Variants in CEMIP observed in about 807,000 individuals in gnomAD.
CEMIP encodes cell migration-inducing and hyaluronan-binding protein.
In CEMIP, 105 loss-of-function variants were observed where a neutral mutation model predicts 156.9. The observed-to-expected ratio is 0.67, with a 90% CI of 0.57 to 0.79. The LOEUF is 0.79. Among genes scored for constraint, CEMIP ranks in the 30% least tolerant of loss-of-function variants. The pLI is 0.00. For missense variants in CEMIP, 1,457 were observed against 1,769.4 expected, an observed-to-expected ratio of 0.82 and a Z score of 3.17; for synonymous variants, 676 against 668.4, an observed-to-expected ratio of 1.01 and a Z score of -0.17.
rs781430676 is a variant in CEMIP at position 80,942,277 on chromosome 15, G to A, written c.3639G>A (p.Val1213=). ...AAACAAAGGACCATTTCTTGGAGGT[G>A]AAGATGGAGAGTTCCAAGCAGCACT... ...QLKTKDHFLE[V]KMESSKQHFF... is the part of the protein sequence containing the mutation. Residue 1213 remains valine (V), a synonymous_variant, in exon 27 of 30, where the codon GTG becomes GTA. Coordinates refer to ENST00000394685, the MANE Select transcript of CEMIP (RefSeq NM_001293298.2). The A allele has an allele frequency of 2.0e-5, 32 of 1,614,020 alleles. No homozygotes were observed. Among genetic ancestry groups the A allele is most frequent in the Middle Eastern group, 3.3e-4 (2 of 6,084 alleles).
intron 1 of CEMIP, among the ~76,000 whole-genome samples, chr15:80,867,912 A>G (rs1024596213): frequency 2.6e-5 from 4 of 152,110 alleles, no homozygotes; most frequent in African/African-American, 9.7e-5. Flanking sequence ...GACCCAGGAG[A>G]GGAGGACAGG....
At chr15:80,897,018 C>T (rs1464106932) in intron 12 of CEMIP, among the ~76,000 whole-genome samples, 1 of 152,094 alleles carries the variant, frequency 6.6e-6, no homozygotes, top group Non-Finnish European at 1.5e-5. Flanking sequence ...TGTGTGCTCA[C>T]CCTTTGGCTA....
At chr15:80,840,074 C>T (rs1384784363) in intron 1 of CEMIP, among the ~76,000 whole-genome samples, 1 of 152,210 alleles carries the variant, frequency 6.6e-6, no homozygotes, top group African/African-American at 2.4e-5. Flanking sequence ...AAGAGAAAGT[C>T]ATAAGCACCC....
chr15:80,863,658 G>A (rs1271307277), intron 1 of CEMIP, among the ~76,000 whole-genome samples: 2 of 152,192 alleles, frequency 1.3e-5, no homozygotes, highest in African/African-American at 4.8e-5. Context: ...CATGGCAGCT[G>A]GGAGGATGGT....
chr15:80,827,735 A>G (rs542327566), intron 1 of CEMIP, among the ~76,000 whole-genome samples: 235 of 152,340 alleles, frequency 1.5e-3, no homozygotes, highest in African/African-American at 5.5e-3. Flanking sequence ...GGATGCATCT[A>G]CATACCTGAG....
At chr15:80,782,024 GAA>G (rs138814870) in intron 1 of CEMIP, among the ~76,000 whole-genome samples, 1 of 151,526 alleles carries the variant, frequency 6.6e-6, no homozygotes, top group Non-Finnish European at 1.5e-5. Flanking sequence ...TGATCACAAT[GAA>G]AAAAAAATTC....
chr15:80,779,770 CTCTA>C (rs1342693950), intron 1 of CEMIP, among the ~76,000 whole-genome samples, 156 bp downstream of exon 1: 2 of 152,260 alleles, frequency 1.3e-5, no homozygotes, highest in Non-Finnish European at 2.9e-5. Flanking sequence ...TGCAGTCTAC[CTCTA>C]TCTGTCTGTT....
At chr15:80,861,349 C>T (rs891973068) in intron 1 of CEMIP, among the ~76,000 whole-genome samples, 1 of 152,210 alleles carries the variant, frequency 6.6e-6, no homozygotes, top group Non-Finnish European at 1.5e-5. Context: ...CCCATGCTTT[C>T]AGGATAAAAT....
intron 28 of CEMIP, among the ~76,000 whole-genome samples, chr15:80,943,742 C>A (rs537865120): frequency 2.0e-4 from 31 of 152,312 alleles, no homozygotes; most frequent in African/African-American, 7.2e-4. Context: ...AGCGTCCTCT[C>A]TTCTGCCACT....
intron 1 of CEMIP, among the ~76,000 whole-genome samples, chr15:80,845,232 A>G (rs1027102731): frequency 3.9e-5 from 6 of 152,060 alleles, no homozygotes; most frequent in African/African-American, 1.4e-4. Flanking sequence ...AGAGTTTGAG[A>G]TCATCCTGGG....
intron 1 of CEMIP, among the ~76,000 whole-genome samples, chr15:80,795,653 G>A (rs539598327): frequency 6.6e-6 from 1 of 152,164 alleles, no homozygotes; most frequent in African/African-American, 2.4e-5. Flanking sequence ...CTCTTGAAAA[G>A]CCAGGTGCAG....
At chr15:80,944,617 A>G (rs1379628816) in intron 28 of CEMIP, among the ~76,000 whole-genome samples, 2 of 152,166 alleles carry the variant, frequency 1.3e-5, no homozygotes, top group Non-Finnish European at 2.9e-5. Context: ...GAGATTTTGG[A>G]TAATGGGATT....
intron 3 of CEMIP, among the ~76,000 whole-genome samples, chr15:80,875,035 T>G (rs996502964): frequency 1.8e-3 from 249 of 137,020 alleles, no homozygotes; most frequent in African/African-American, 6.7e-3. Context: ...TTTTTTTTTT[T>G]TTTTTTTTTT....
chr15:80,901,839 G>A (rs764704157), intron 12 of CEMIP, among the ~76,000 whole-genome samples: 10 of 152,132 alleles, frequency 6.6e-5, no homozygotes, highest in African/African-American at 9.7e-5. Context: ...TCTAGTGGGC[G>A]GCACTGATGT....
intron 1 of CEMIP, among the ~76,000 whole-genome samples, chr15:80,868,602 G>C (rs1898193000): frequency 6.6e-6 from 1 of 152,150 alleles, no homozygotes; most frequent in Non-Finnish European, 1.5e-5. Flanking sequence ...GAGATCCTGA[G>C]ATTATACTGC....
intron 1 of CEMIP, among the ~76,000 whole-genome samples, chr15:80,842,539 C>G (rs1897449514): frequency 6.6e-6 from 1 of 152,108 alleles, no homozygotes; most frequent in African/African-American, 2.4e-5. Flanking sequence ...TGAGACCAGC[C>G]TGGCCAACAT....
chr15:80,915,078 G>A (rs1220254282), intron 14 of CEMIP, among the ~76,000 whole-genome samples: 5 of 152,176 alleles, frequency 3.3e-5, no homozygotes, highest in Admixed American at 2.6e-4. Context: ...TTTAGTGCCA[G>A]ATCTGAAAAA....
At chr15:80,938,473 C>T (rs1229568798) in intron 25 of CEMIP, among the ~76,000 whole-genome samples, 9 of 152,252 alleles carry the variant, frequency 5.9e-5, no homozygotes, top group Admixed American at 2.0e-4. Context: ...GGCATGGTGG[C>T]GCGTGCCTGT....
intron 1 of CEMIP, among the ~76,000 whole-genome samples, chr15:80,824,741 G>A (rs952048183): frequency 5.9e-5 from 9 of 152,306 alleles, no homozygotes; most frequent in African/African-American, 2.2e-4. Flanking sequence ...TGGAAAGATG[G>A]TTACTAAATA....
Sources: allele counts gnomAD v4.1 joint callset (sites outside exome capture counted in the v4.1 genomes callset), GRCh38; gene constraint gnomAD v4.1.1; transcripts MANE v1.5; gene names NCBI Gene and HGNC (gene_info 2026-07-23, HGNC 2026-07-21).